Variants in ANTXR1 observed in about 807,000 individuals in gnomAD.
ANTXR1 encodes the protein anthrax toxin receptor 1.
ANTXR1 carries 19 observed loss-of-function variants against 78.1 expected under a neutral mutation model. The observed-to-expected ratio is 0.24, with a 90% CI of 0.17 to 0.36. The LOEUF (loss-of-function observed/expected upper bound fraction) is 0.36, where lower values mean the gene tolerates loss of function less well. Ranked by LOEUF, ANTXR1 falls within the 10% of genes least tolerant of loss-of-function variation. The pLI is 1.00. For missense variants in ANTXR1, 518 were observed against 718.6 expected (o/e 0.72, Z 3.19); for synonymous variants, 273 against 260.5 (o/e 1.05, Z -0.46).
chr2:69,182,738 A>G (rs912579098), intron 16 of ANTXR1, 78 bp downstream of exon 16: 19 of 1,596,406 alleles, frequency 1.2e-5, no homozygotes, highest in Non-Finnish European at 1.6e-5. Flanking sequence ...ATCTTTCCAC[A>G]TGATAAAATC....
chr2:69,126,995 A>G (rs946466256), intron 12 of ANTXR1, among the ~76,000 whole-genome samples: 6 of 152,192 alleles, frequency 3.9e-5, no homozygotes, highest in Non-Finnish European at 5.9e-5. Context: ...AGTTCTTTCA[A>G]TCATGTATTC....
chr2:69,239,636 A>G (rs574541642), intron 17 of ANTXR1, among the ~76,000 whole-genome samples: 1 of 152,390 alleles, frequency 6.6e-6, no homozygotes, highest in South Asian at 2.1e-4. Context: ...TTAATTGGAC[A>G]GATGAAGAAA....
chr2:69,041,394 G>T (rs923033310), intron 2 of ANTXR1, among the ~76,000 whole-genome samples: 1 of 152,094 alleles, frequency 6.6e-6, no homozygotes, highest in East Asian at 1.9e-4. Context: ...TTCTTCACTC[G>T]CAGCCATTGG....
intron 1 of ANTXR1, among the ~76,000 whole-genome samples, chr2:69,028,025 A>G (rs1423654708): frequency 6.6e-6 from 1 of 152,236 alleles, no homozygotes; most frequent in Non-Finnish European, 1.5e-5. Context: ...TGATGCAGGC[A>G]TGTTTAAGGA....
rs935990486 is a variant in ANTXR1 at position 69,226,765 on chromosome 2, ATTCT to A, written c.1435-18457_1435-18454del. ...ATAAAATTCGTTGGTAATTAGCGAC[ATTCT>A]TTATTTATAATCCAGGTGCTGAAAT... On this transcript the variant is annotated intron_variant, in intron 17 of 17. Transcript: ENST00000303714. Among the ~76,000 whole-genome samples, 8 of 152,328 alleles carry A rather than the reference ATTCT, an allele frequency of 5.3e-5. No homozygotes were observed. In the East Asian group the frequency reaches 9.6e-4, roughly 18 times the overall value.
intron 13 of ANTXR1, among the ~76,000 whole-genome samples, chr2:69,154,296 G>A (rs756782726): frequency 1.4e-4 from 21 of 152,206 alleles, no homozygotes; most frequent in Non-Finnish European, 2.1e-4. Context: ...GTTGATCTTC[G>A]GGATTCATTT....
intron 8 of ANTXR1, among the ~76,000 whole-genome samples, chr2:69,081,297 G>A (rs1308835786): frequency 6.6e-6 from 1 of 152,180 alleles, no homozygotes; most frequent in Non-Finnish European, 1.5e-5. Context: ...AAATGTCTGA[G>A]GAAATGGAAA....
chr2:69,187,220 C>T (rs1674439243), intron 16 of ANTXR1, among the ~76,000 whole-genome samples: 1 of 152,154 alleles, frequency 6.6e-6, no homozygotes, highest in African/African-American at 2.4e-5. Context: ...AAGGCACCAA[C>T]CACACCAACC....
rs188407290 is a variant in ANTXR1, at chr2:69,204,239, T to C, written c.1434+10824T>C. Among the ~76,000 whole-genome samples the C allele has an allele frequency of 7.9e-5, 12 of 152,280 alleles. 1 individual carries two copies. The highest frequency in any genetic ancestry group is 6.5e-5 in the Admixed American group (1 of 15,304). ...GAAGTTCTGTTCTGGCCAGAAAGTA[T>C]TGGGTTAGATTATAGATGGCAAAAT... On this transcript the variant is annotated intron_variant, in intron 17 of 17. Transcript: ENST00000303714.
At chr2:69,174,941 C>T (rs1488157723) in intron 14 of ANTXR1, among the ~76,000 whole-genome samples, 1 of 152,018 alleles carries the variant, frequency 6.6e-6, no homozygotes, top group Non-Finnish European at 1.5e-5. Flanking sequence ...TACCAGTGGC[C>T]CCAATATTTC....
intron 9 of ANTXR1, among the ~76,000 whole-genome samples, chr2:69,102,146 G>T (rs2104317111): frequency 6.6e-6 from 1 of 152,320 alleles, no homozygotes; most frequent in African/African-American, 2.4e-5. Context: ...TGCTAAGAAA[G>T]ACTTTGATTC....
At chr2:69,030,349 A>T (rs1315542121) in intron 1 of ANTXR1, among the ~76,000 whole-genome samples, 2 of 152,250 alleles carry the variant, frequency 1.3e-5, no homozygotes, top group Non-Finnish European at 2.9e-5. Flanking sequence ...AATTCACTTT[A>T]TGAAGCTAGC....
intron 3 of ANTXR1, among the ~76,000 whole-genome samples, chr2:69,059,649 G>C (rs79201156): frequency 0.039 from 5,911 of 152,182 alleles, 298 homozygotes; most frequent in East Asian, 0.22. Context: ...CGGCTAATTT[G>C]AAGTATGTAC....
intron 12 of ANTXR1, among the ~76,000 whole-genome samples, chr2:69,128,741 G>A (rs559109364): frequency 8.5e-5 from 13 of 152,332 alleles, no homozygotes; most frequent in African/African-American, 2.9e-4. Context: ...TTGGACTTTC[G>A]TTTGTTTCTT....
intron 13 of ANTXR1, among the ~76,000 whole-genome samples, chr2:69,153,358 C>T (rs1673446602): frequency 6.6e-6 from 1 of 151,626 alleles, no homozygotes; most frequent in East Asian, 1.9e-4. Flanking sequence ...GAAATGGCTT[C>T]GGATGACATG....
At chr2:69,171,002 C>T (rs145431660) in intron 14 of ANTXR1, among the ~76,000 whole-genome samples, 2 of 152,314 alleles carry the variant, frequency 1.3e-5, no homozygotes, top group East Asian at 3.9e-4. Context: ...ACTCTTAGTA[C>T]AGCTGGAGTC....
At chr2:69,163,791 G>C (rs1673750049) in intron 13 of ANTXR1, among the ~76,000 whole-genome samples, 1 of 152,194 alleles carries the variant, frequency 6.6e-6, no homozygotes, top group Non-Finnish European at 1.5e-5. Context: ...GTCACTACTG[G>C]TGGCTGGGCA....
chr2:69,241,912 G>A (rs1189240710), intron 17 of ANTXR1, among the ~76,000 whole-genome samples: 1 of 152,142 alleles, frequency 6.6e-6, no homozygotes, highest in Non-Finnish European at 1.5e-5. Context: ...GTAAGTGACA[G>A]GCGGTATGAT....
intron 16 of ANTXR1, among the ~76,000 whole-genome samples, chr2:69,184,862 A>T (rs1218079841): frequency 6.6e-6 from 1 of 152,198 alleles, no homozygotes; most frequent in Non-Finnish European, 1.5e-5. Context: ...AGAGTGATTT[A>T]AAAAATACAG....
Sources: gnomAD v4.1 joint callset for allele counts (sites outside exome capture counted in the v4.1 genomes callset) on GRCh38, gnomAD v4.1.1 for gene constraint, MANE v1.5 for transcripts, NCBI Gene and HGNC (gene_info 2026-07-23, HGNC 2026-07-21) for gene names.